Variants in RSF1 observed in about 807,000 individuals in gnomAD.
The protein encoded by RSF1 is HBV pX-associated protein 8.
In RSF1, 13 loss-of-function variants were observed where a neutral mutation model predicts 145.2. That is an observed-to-expected ratio of 0.09 (90% CI 0.06 to 0.14). RSF1 has a LOEUF of 0.14. RSF1 is among the 10% of genes least tolerant of loss of function. The pLI is 1.00. For synonymous variants in RSF1, 577 were observed against 592.6 expected (o/e 0.97, Z 0.38); for missense variants, 1,517 against 1,718.2 (o/e 0.88, Z 2.07).
At chr11:77,832,697 GA>G in the RSF1 span, among the ~76,000 whole-genome samples, 3,611 of 133,188 alleles carry the variant, frequency 0.027, 102 homozygotes, top group African/African-American at 0.08. Context: ...TCTGTTTTAA[GA>G]AAAAAAAAAA....
intron 1 of RSF1, among the ~76,000 whole-genome samples, chr11:77,780,035 G>A (rs181576868): frequency 2.0e-4 from 31 of 152,282 alleles, no homozygotes; most frequent in African/African-American, 7.2e-4. Context: ...AAGTGCCAAT[G>A]CTGGGTGTTC....
At chr11:77,721,251 T>C (rs1258230361) in intron 5 of RSF1, among the ~76,000 whole-genome samples, 1 of 152,214 alleles carries the variant, frequency 6.6e-6, no homozygotes, top group Non-Finnish European at 1.5e-5. Context: ...CCAGGACTGT[T>C]TCCAGCTTTT....
At chr11:77,710,625 T>C (rs1590844089) in intron 5 of RSF1, among the ~76,000 whole-genome samples, 3 of 152,178 alleles carry the variant, frequency 2.0e-5, no homozygotes, top group African/African-American at 7.2e-5. Context: ...TCTCTGGTGT[T>C]GAGGAGTTCT....
intron 15 of RSF1, among the ~76,000 whole-genome samples, chr11:77,669,771 T>TCAG (rs1959471122): frequency 6.6e-6 from 1 of 152,198 alleles, no homozygotes; most frequent in Non-Finnish European, 1.5e-5. Context: ...ACAACTCAGC[T>TCAG]TTTTGAGAAA....
chr11:77,803,777 C>CA (rs1019540058), intron 1 of RSF1, among the ~76,000 whole-genome samples: 2 of 151,396 alleles, frequency 1.3e-5, no homozygotes, highest in Non-Finnish European at 2.9e-5. Context: ...GACTTCATCT[C>CA]AAAAAAAAGC....
intron 1 of RSF1, among the ~76,000 whole-genome samples, chr11:77,779,863 A>G (rs561543138): frequency 5.3e-5 from 8 of 152,174 alleles, no homozygotes; most frequent in Non-Finnish European, 1.2e-4. Flanking sequence ...AATCTGTCAT[A>G]CTGAACTTCT....
At chr11:77,668,700 T>TAAATATTCTAGAGATTTATTTA (rs1959438995) in intron 15 of RSF1, among the ~76,000 whole-genome samples, 1 of 152,256 alleles carries the variant, frequency 6.6e-6, no homozygotes, top group South Asian at 2.1e-4. Flanking sequence ...TCAGGTATTT[T>TAAATATTCTAGAGATTTATTTA]AAATATTCTA....
intron 1 of RSF1, among the ~76,000 whole-genome samples, chr11:77,810,033 C>T (rs1001564356): frequency 6.6e-6 from 1 of 152,206 alleles, no homozygotes; most frequent in Non-Finnish European, 1.5e-5. Flanking sequence ...CTGCAAAATA[C>T]ACTGATGACC....
chr11:77,820,844 C>T (rs11820337), upstream of RSF1: 330,321 of 961,612 alleles, frequency 0.34, 58,487 homozygotes, highest in East Asian at 0.49. Context: ...CCCAGCGTCT[C>T]AGGGACGGCT....
intron 2 of RSF1, among the ~76,000 whole-genome samples, chr11:77,752,854 C>T (rs1948078172): frequency 6.6e-6 from 1 of 152,124 alleles, no homozygotes; most frequent in African/African-American, 2.4e-5. Flanking sequence ...AAAGACCTTG[C>T]TGATAAAACA....
chr11:77,696,380 T>C (rs1960277535), intron 7 of RSF1, among the ~76,000 whole-genome samples: 1 of 152,178 alleles, frequency 6.6e-6, no homozygotes, highest in Admixed American at 6.5e-5. Flanking sequence ...CTGTTAAAGC[T>C]CAATTAAGAC....
chr11:77,773,008 T>C (rs1173094124), intron 1 of RSF1, among the ~76,000 whole-genome samples: 3 of 152,220 alleles, frequency 2.0e-5, no homozygotes, highest in East Asian at 3.8e-4. Context: ...GCTTTGTATC[T>C]GGTTTTTGAT....
chr11:77,766,610 G>C (rs1169091984), intron 1 of RSF1, among the ~76,000 whole-genome samples: 1 of 151,910 alleles, frequency 6.6e-6, no homozygotes, highest in African/African-American at 2.4e-5. Context: ...AGGAGGGAAA[G>C]GGCATTGCTT....
chr11:77,722,221 C>A (rs1362218331), intron 5 of RSF1, among the ~76,000 whole-genome samples: 1 of 152,084 alleles, frequency 6.6e-6, no homozygotes, highest in South Asian at 2.1e-4. Context: ...AATGAAATGT[C>A]CTGCTCCTCC....
chr11:77,744,574 G>T (rs1013632568), intron 3 of RSF1, among the ~76,000 whole-genome samples: 1 of 152,160 alleles, frequency 6.6e-6, no homozygotes, highest in African/African-American at 2.4e-5. Context: ...CAAAGTGCTG[G>T]GATTACAGGT....
intron 3 of RSF1, among the ~76,000 whole-genome samples, chr11:77,744,901 T>C (rs1251967761): frequency 6.6e-6 from 1 of 152,188 alleles, no homozygotes; most frequent in African/African-American, 2.4e-5. Context: ...AAATGTTTGG[T>C]AGAATTCAGC....
At chr11:77,768,161 CTTT>C (rs758401653) in intron 1 of RSF1, among the ~76,000 whole-genome samples, 1 of 122,808 alleles carries the variant, frequency 8.1e-6, no homozygotes, top group South Asian at 2.5e-4. Context: ...ATATTATCAG[CTTT>C]TTTTTTTTTT....
chr11:77,841,159 C>T, the RSF1 span: 2 of 700,776 alleles, frequency 2.9e-6, no homozygotes, highest in Non-Finnish European at 5.2e-6. Context: ...GAACCTACTA[C>T]TCCTGCAATA....
chr11:77,740,489 C>T (rs1233868532), intron 4 of RSF1, among the ~76,000 whole-genome samples: 5 of 152,130 alleles, frequency 3.3e-5, no homozygotes, highest in Non-Finnish European at 7.3e-5. Flanking sequence ...ATTCTGGCTT[C>T]CTGATGTATA....
Sources: gnomAD v4.1 joint callset for allele counts (sites outside exome capture counted in the v4.1 genomes callset) on GRCh38, gnomAD v4.1.1 for gene constraint, MANE v1.5 for transcripts, NCBI Gene and HGNC (gene_info 2026-07-23, HGNC 2026-07-21) for gene names.